The following MSR1 variants were observed in gnomAD, a reference collection of about 807,000 sequenced individuals.
MSR1 encodes the protein macrophage scavenger receptor types I and II.
Under a neutral mutation model 47.2 loss-of-function variants are expected in MSR1, and 53 were observed. The observed-to-expected ratio is 1.12, with a 90% CI of 0.90 to 1.41. The LOEUF (loss-of-function observed/expected upper bound fraction) is 1.41. Among genes scored for constraint, MSR1 ranks in the 40% most tolerant of loss-of-function variants. The pLI is 0.00. For missense variants in MSR1, 786 were observed against 546.9 expected (o/e 1.44, Z -4.36); for synonymous variants, 239 against 185.6 (o/e 1.29, Z -2.34).
intron 8 of MSR1, among the ~76,000 whole-genome samples, chr8:16,132,842 T>C (rs148803499): frequency 7.8e-4 from 119 of 152,238 alleles, no homozygotes; most frequent in Middle Eastern, 3.4e-3. Context: ...CATCATTATC[T>C]TGTGCTGGTT....
At chr8:16,162,162 G>C (rs971454860) in intron 5 of MSR1, among the ~76,000 whole-genome samples, 1 of 151,944 alleles carries the variant, frequency 6.6e-6, no homozygotes, top group African/African-American at 2.4e-5. Flanking sequence ...AGATATGAAA[G>C]ACAAAGAGAA....
chr8:16,142,657 A>G (rs1800591500), intron 8 of MSR1, among the ~76,000 whole-genome samples: 1 of 152,168 alleles, frequency 6.6e-6, no homozygotes, highest in South Asian at 2.1e-4. Flanking sequence ...TTGCTACTGT[A>G]TATTTCTAGA....
At chr8:16,186,085 T>C in intron 1 of MSR1, 1 of 1,275,712 alleles carries the variant, frequency 7.8e-7, no homozygotes, top group Non-Finnish European at 1.1e-6. Context: ...AAATAAAACC[T>C]TGCAAGATTG....
At chr8:16,125,541 T>TTACA (rs1437095722) in intron 8 of MSR1, among the ~76,000 whole-genome samples, 1 of 152,160 alleles carries the variant, frequency 6.6e-6, no homozygotes, top group Admixed American at 6.6e-5. Flanking sequence ...TATGTCCCAT[T>TTACA]TCTTTACATC....
rs143179732 is a variant in MSR1, at chr8:16,135,584, T to C, written c.1033+7974A>G. On this transcript the variant is annotated intron_variant, in intron 8 of 9. Transcript: ENST00000262101. ...GCCTGCTAACACAATATCCATTGTG[T>C]AGCCCATGGATCCAGGATTAATTTT... 3.9e-3 allele frequency among the ~76,000 whole-genome samples: 600 copies of C among 152,288 alleles called. 8 individuals are homozygous for C. The highest frequency in any genetic ancestry group is 7.1e-3 in the Non-Finnish European group (486 of 68,008).
rs150320337 is a variant in MSR1, at chr8:16,124,930, T to C, written c.1034-4324A>G. Among the ~76,000 whole-genome samples the C allele has an allele frequency of 5.4e-4, 82 of 152,294 alleles. No homozygotes were observed. In the East Asian group the frequency reaches 0.015, roughly 28 times the overall value. On this transcript the variant is annotated intron_variant, in intron 8 of 9. Transcript: ENST00000262101. ...AAATCATAGAAGAAACTGAATTTAA[T>C]ATTTCATAAGTCTTCAGAGGGAATA...
intron 6 of MSR1, among the ~76,000 whole-genome samples, chr8:16,153,946 A>G (rs931420281): frequency 2.6e-5 from 4 of 152,022 alleles, no homozygotes; most frequent in East Asian, 3.9e-4. Flanking sequence ...AAGCACATCA[A>G]TACTAATACC....
Position 16,143,508 on chromosome 8 carries a change from A to G in MSR1, c.1033+50T>C, listed in dbSNP as rs778476678. ...CAAGCCCAGATCTCTAGTATCACAG[A>G]CTTACTTATTACAAGAATTCACACA... On this transcript the variant is annotated intron_variant, in intron 8 of 9. Coordinates refer to ENST00000262101, the MANE Select transcript of MSR1 (RefSeq NM_138715.3). 7.2e-6 allele frequency: 11 copies of G among 1,525,642 alleles called. No individual in the cohort carries two copies. In the African/African-American group the frequency reaches 1.1e-4, roughly 15 times the overall value. The allele number at this position is 1,525,642 out of a possible 1,614,324, so 94.5% of individuals were successfully genotyped here. A position where few individuals can be genotyped will look rare whatever the true frequency, so the allele number is the denominator to read the frequency against.
chr8:16,141,200 A>C (rs1264056413), intron 8 of MSR1: 1 of 758,294 alleles, frequency 1.3e-6, no homozygotes, highest in Non-Finnish European at 2.1e-6. Flanking sequence ...CATACAGAAT[A>C]AATTGGTACA....
intron 6 of MSR1, among the ~76,000 whole-genome samples, chr8:16,150,889 C>T (rs996746119): frequency 2.3e-5 from 3 of 130,950 alleles, no homozygotes; most frequent in African/African-American, 8.4e-5. Flanking sequence ...CACACACATG[C>T]GATACACAGA....
In MSR1 at chr8:16,164,014, G is replaced by A. The variant is rs1330224408; in HGVS notation, c.817+51C>T. 4 of 1,382,262 alleles carry A rather than the reference G, an allele frequency of 2.9e-6. No homozygotes were observed. The East Asian group carries it at 9.8e-5, about 34-fold the overall frequency. 85.6% of individuals were successfully genotyped at this position (1,382,262 alleles called of 1,614,324 possible). On this transcript the variant is annotated intron_variant, in intron 5 of 9. Coordinates refer to ENST00000262101, the MANE Select transcript of MSR1 (RefSeq NM_138715.3). Reference sequence around the variant, plus strand: ...AAATATCAAATCTCTGCATGTATCAGTATATTTTAATATATATATCATTTT... The same window carrying A: ...AAATATCAAATCTCTGCATGTATCAATATATTTTAATATATATATCATTTT...
chr8:16,140,162 T>C lies in MSR1; in HGVS notation c.1033+3396A>G, dbSNP rs182500387. 542 of 985,050 alleles carry C rather than the reference T, an allele frequency of 5.5e-4. 14 individuals are homozygous for C. In the East Asian group the frequency reaches 0.049, roughly 89 times the overall value. 61.0% of individuals were successfully genotyped at this position (985,050 alleles called of 1,614,324 possible). ...AATAATGTTTGAATATAAAGAACTC[T>C]CATATTATCAATACTCATGACAGTT... is the stretch of plus-strand genomic sequence containing the variant. On this transcript the variant is annotated intron_variant, in intron 8 of 9. Transcript: ENST00000262101.
chr8:16,155,657 T>C (rs1800984916), intron 5 of MSR1, among the ~76,000 whole-genome samples: 1 of 151,938 alleles, frequency 6.6e-6, no homozygotes, highest in Non-Finnish European at 1.5e-5. Context: ...CAGTGAACTG[T>C]AGATCGGCGT....
intron 3 of MSR1, among the ~76,000 whole-genome samples, chr8:16,173,886 T>C (rs1331306579): frequency 6.6e-6 from 1 of 152,152 alleles, no homozygotes; most frequent in African/African-American, 2.4e-5. Context: ...CCTGACCTCG[T>C]GATCTGCCCG....
chr8:16,136,571 ACT>A, intron 8 of MSR1, among the ~76,000 whole-genome samples: 1 of 151,844 alleles, frequency 6.6e-6, no homozygotes, highest in East Asian at 1.9e-4. Context: ...TTAGCTATAC[ACT>A]CTATTAAGGA....
At chr8:16,188,085 T>A (rs1422115087) in intron 1 of MSR1, among the ~76,000 whole-genome samples, 1 of 152,160 alleles carries the variant, frequency 6.6e-6, no homozygotes. Flanking sequence ...AGTGTGCTGA[T>A]AAACGATTGT....
rs1367055871 is a variant in MSR1 at position 16,184,578 on chromosome 8, C to T, written c.-4-6586G>A. 2.6e-5 allele frequency among the ~76,000 whole-genome samples: 4 copies of T among 152,172 alleles called. No individual in the cohort carries two copies. In the East Asian group the frequency reaches 5.8e-4, roughly 22 times the overall value. On this transcript the variant is annotated intron_variant, in intron 1 of 9. Coordinates refer to ENST00000262101, the MANE Select transcript of MSR1 (RefSeq NM_138715.3). ...CAATTTCTTCCTTTATTTTTCTGAT[C>T]GCATAAATTGATCTGGCTTTCACAA...
chr8:16,156,700 C>G (rs575744365), intron 5 of MSR1, among the ~76,000 whole-genome samples: 2 of 150,376 alleles, frequency 1.3e-5, no homozygotes, highest in Non-Finnish European at 2.9e-5. Flanking sequence ...TAAGTGTGTA[C>G]GTGTATTTTT....
chr8:16,184,742 T>C (rs1397438989), intron 1 of MSR1, among the ~76,000 whole-genome samples: 1 of 152,206 alleles, frequency 6.6e-6, no homozygotes, highest in Non-Finnish European at 1.5e-5. Flanking sequence ...CTTTTCTCCC[T>C]TTCACTTTGA....
Sources: allele counts gnomAD v4.1 joint callset (sites outside exome capture counted in the v4.1 genomes callset), GRCh38; gene constraint gnomAD v4.1.1; transcripts MANE v1.5; gene names NCBI Gene and HGNC (gene_info 2026-07-23, HGNC 2026-07-21).